The following ATP8B1 variants were observed in gnomAD, a reference collection of about 807,000 sequenced individuals.
ATP8B1 encodes the protein phospholipid-transporting ATPase IC.
ATP8B1 carries 80 observed loss-of-function variants against 149.9 expected under a neutral mutation model. The observed-to-expected ratio is 0.53, with a 90% CI of 0.45 to 0.64. The LOEUF is 0.64. Ranked by LOEUF, ATP8B1 falls within the 30% of genes least tolerant of loss-of-function variation. The pLI, the probability that ATP8B1 is intolerant of heterozygous loss-of-function variation, is 0.00. For synonymous variants in ATP8B1, 536 were observed against 562.8 expected (o/e 0.95, Z 0.67); for missense variants, 1,247 against 1,552.6 (o/e 0.80, Z 3.31).
intron 1 of ATP8B1, among the ~76,000 whole-genome samples, chr18:57,795,203 C>T (rs568994498): frequency 3.2e-4 from 49 of 151,768 alleles, no homozygotes; most frequent in African/African-American, 8.2e-4. Flanking sequence ...TCAGCCTGGG[C>T]GACATATCGA....
At chr18:57,654,190 G>C (rs146491148) in intron 23 of ATP8B1, 115 bp from the exon 24 acceptor site, 300 of 966,422 alleles carry the variant, frequency 3.1e-4, no homozygotes, top group Non-Finnish European at 4.1e-4. Flanking sequence ...TGTTTTAATA[G>C]AGATGGGGGT....
At chr18:57,690,977 C>T (rs1480745188) in intron 12 of ATP8B1, among the ~76,000 whole-genome samples, 1 of 152,030 alleles carries the variant, frequency 6.6e-6, no homozygotes, top group Non-Finnish European at 1.5e-5. Flanking sequence ...GAGTTGAAGA[C>T]CAGCCTGGCC....
Position 57,711,061 on chromosome 18 carries a change from A to G in ATP8B1, c.182-4474T>C, listed in dbSNP as rs535123099. ...GGCACATGGTAATGCTTGGGATGAC[A>G]TTCTAGGTTCAAAAGAGAGCAGAGA... On this transcript the variant is annotated intron_variant, in intron 2 of 27. Coordinates refer to ENST00000648908, the MANE Select transcript of ATP8B1 (RefSeq NM_001374385.1). Among the ~76,000 whole-genome samples the G allele has an allele frequency of 2.0e-5, 3 of 152,362 alleles. No homozygotes were observed. The South Asian group carries it at 6.2e-4, about 32-fold the overall frequency.
At chr18:57,669,642 G>T (rs55682341) in intron 17 of ATP8B1, among the ~76,000 whole-genome samples, 160 bp from the exon 18 acceptor site, 1 of 138,556 alleles carries the variant, frequency 7.2e-6, no homozygotes, top group Non-Finnish European at 1.5e-5. Context: ...TTAGAGAGGG[G>T]ATTAAATGTC....
At chr18:57,762,606 C>G (rs1196100168) in intron 1 of ATP8B1, among the ~76,000 whole-genome samples, 1 of 152,166 alleles carries the variant, frequency 6.6e-6, no homozygotes, top group East Asian at 1.9e-4. Flanking sequence ...GTGGAACACA[C>G]AGTAAAGGCA....
chr18:57,744,307 C>CAAAAAAAA (rs10680324), intron 1 of ATP8B1, among the ~76,000 whole-genome samples: 7 of 97,814 alleles, frequency 7.2e-5, no homozygotes, highest in Admixed American at 1.3e-4. Context: ...GAGACTGTCT[C>CAAAAAAAA]AAAAAAAAAA....
intron 1 of ATP8B1, chr18:57,736,891 A>G (rs1319441533): frequency 6.6e-6 from 1 of 152,038 alleles, no homozygotes; most frequent in African/African-American, 2.4e-5. Flanking sequence ...AGCCCATATT[A>G]TGTTTTGGTT....
chr18:57,775,617 A>G (rs1355981686), intron 1 of ATP8B1, among the ~76,000 whole-genome samples: 5 of 151,750 alleles, frequency 3.3e-5, no homozygotes, highest in African/African-American at 1.2e-4. Flanking sequence ...GGATTCTGTC[A>G]GAGAGCAGTG....
At chr18:57,741,243 T>C (rs2079911338) in intron 1 of ATP8B1, among the ~76,000 whole-genome samples, 1 of 152,176 alleles carries the variant, frequency 6.6e-6, no homozygotes, top group African/African-American at 2.4e-5. Context: ...GCTTGAACCT[T>C]GCTTCTAACC....
At position 57,767,703 on chromosome 18, in the gene ATP8B1, C is replaced by T. The variant is rs150039061; in HGVS notation, c.-26+35295G>A. Among the ~76,000 whole-genome samples the T allele has an allele frequency of 6.1e-3, 931 of 151,964 alleles. 8 individuals are homozygous for T. Among genetic ancestry groups the T allele is most frequent in the African/African-American group, 0.021 (878 of 41,426 alleles). On this transcript the variant is annotated intron_variant, in intron 1 of 27. Coordinates refer to ENST00000648908, the MANE Select transcript of ATP8B1 (RefSeq NM_001374385.1). ...ACTCAGGAGGCTGAGGCAGGAGAAT[C>T]GCTTGAACCCAGGAGGCAGAGGTTG...
intron 1 of ATP8B1, among the ~76,000 whole-genome samples, chr18:57,797,481 TG>T (rs948900776): frequency 1.3e-5 from 2 of 152,162 alleles, no homozygotes; most frequent in African/African-American, 4.8e-5. Flanking sequence ...AATGTCAGAC[TG>T]AGAGCTGGTT....
In ATP8B1 at chr18:57,679,487, T is replaced by C. The variant is rs540164961; in HGVS notation, c.1631-4465A>G. Among the ~76,000 whole-genome samples the C allele has an allele frequency of 2.2e-3, 328 of 152,236 alleles. 3 individuals carry two copies. The highest frequency in any genetic ancestry group is 7.2e-3 in the African/African-American group (299 of 41,514). The stretch of plus-strand genomic sequence containing the variant: ...CATTTAGAGGCAACCAGAAAGACCT[T>C]CTTTTTCTTTCACACACTAATTTGT... On this transcript the variant is annotated intron_variant, in intron 15 of 27. Transcript: ENST00000648908.
chr18:57,719,319 C>G (rs1048445241), intron 2 of ATP8B1, among the ~76,000 whole-genome samples: 4 of 152,178 alleles, frequency 2.6e-5, no homozygotes, highest in Non-Finnish European at 4.4e-5. Context: ...CACAGAAGAC[C>G]GGTGATTTCT....
At chr18:57,658,568 C>G (rs905772516) in intron 22 of ATP8B1, among the ~76,000 whole-genome samples, 3 of 151,946 alleles carry the variant, frequency 2.0e-5, no homozygotes, top group Non-Finnish European at 4.4e-5. Context: ...AGCAAATGCT[C>G]AGATTATTTT....
At chr18:57,661,494 C>T (rs2122642672) in intron 21 of ATP8B1, 32 bp from the exon 22 acceptor site, 1 of 1,607,988 alleles carries the variant, frequency 6.2e-7, no homozygotes. Flanking sequence ...AGGTTACATT[C>T]ACTTTAGTTT....
intron 2 of ATP8B1, among the ~76,000 whole-genome samples, chr18:57,712,195 C>G (rs1468204436): frequency 1.3e-5 from 2 of 152,028 alleles, no homozygotes; most frequent in African/African-American, 4.8e-5. Context: ...AAAAATCAGG[C>G]ACTCACAGTA....
chr18:57,759,654 A>T (rs929647103), intron 1 of ATP8B1, among the ~76,000 whole-genome samples: 3 of 151,858 alleles, frequency 2.0e-5, no homozygotes, highest in East Asian at 1.9e-4. Context: ...CTAAAAATAA[A>T]AAAAAAAGAA....
intron 1 of ATP8B1, among the ~76,000 whole-genome samples, chr18:57,756,740 T>C (rs2080089013): frequency 6.6e-6 from 1 of 152,200 alleles, no homozygotes; most frequent in South Asian, 2.1e-4. Flanking sequence ...TCAAGGTCTC[T>C]GTTCTTGCTG....
chr18:57,727,043 T>C lies in ATP8B1; in HGVS notation c.181+4584A>G, dbSNP rs1017208460. Among the ~76,000 whole-genome samples, 3 of 152,062 alleles carry C rather than the reference T, an allele frequency of 2.0e-5. No individual in the cohort carries two copies. The South Asian group carries it at 6.2e-4, about 32-fold the overall frequency. ...TGCAGTGAGCTGAGATCACGCCACT[T>C]CACTCCAGCCTGGGCAACAAGAGCG... On this transcript the variant is annotated intron_variant, in intron 2 of 27. Coordinates refer to ENST00000648908, the MANE Select transcript of ATP8B1 (RefSeq NM_001374385.1).
Sources: gnomAD v4.1 joint callset for allele counts (sites outside exome capture counted in the v4.1 genomes callset) on GRCh38, gnomAD v4.1.1 for gene constraint, MANE v1.5 for transcripts, NCBI Gene and HGNC (gene_info 2026-07-23, HGNC 2026-07-21) for gene names.